The following SEMA6A variants were observed in gnomAD, a reference collection of about 807,000 sequenced individuals.
SEMA6A encodes the protein semaphorin-6A.
In SEMA6A, 25 loss-of-function variants were observed where a neutral mutation model predicts 96.8. The observed-to-expected ratio is 0.26, with a 90% CI of 0.19 to 0.36. The LOEUF (loss-of-function observed/expected upper bound fraction) is 0.36. Among genes scored for constraint, SEMA6A ranks in the 10% least tolerant of loss-of-function variants. The pLI is 1.00. For synonymous variants in SEMA6A, 612 were observed against 518.0 expected, an observed-to-expected ratio of 1.18 and a Z score of -2.46; for missense variants, 1,363 against 1,323.1, an observed-to-expected ratio of 1.03 and a Z score of -0.47.
chr5:116,541,251 A>T (rs935979815), intron 1 of SEMA6A, among the ~76,000 whole-genome samples: 3 of 152,204 alleles, frequency 2.0e-5, no homozygotes, highest in African/African-American at 7.2e-5. Flanking sequence ...AGTATGGCAG[A>T]TTCAAATTAA....
intron 1 of SEMA6A, chr5:116,562,707 A>G: frequency 4.1e-6 from 3 of 730,814 alleles, no homozygotes; most frequent in South Asian, 4.0e-5. Context: ...CTTTCTGGCA[A>G]AGAAACCCTC....
intron 18 of SEMA6A, among the ~76,000 whole-genome samples, chr5:116,448,302 G>T (rs754642123): frequency 4.6e-5 from 7 of 151,926 alleles, no homozygotes; most frequent in Non-Finnish European, 7.4e-5. Flanking sequence ...GGGAGATCAG[G>T]CCACTGTACT....
chr5:116,473,032 T>C (rs1756243819), intron 17 of SEMA6A, 41 bp downstream of exon 17: 1 of 1,572,680 alleles, frequency 6.4e-7, no homozygotes, highest in Non-Finnish European at 8.6e-7. Context: ...CTCAGATAGG[T>C]TTCCACCAGT....
intron 1 of SEMA6A, among the ~76,000 whole-genome samples, chr5:116,522,674 A>AT (rs1256151591): frequency 6.6e-6 from 1 of 152,102 alleles, no homozygotes; most frequent in Non-Finnish European, 1.5e-5. Flanking sequence ...TAACCTTCAT[A>AT]TTTTTTATTT....
At position 116,475,546 on chromosome 5, in the gene SEMA6A, G is replaced by T. The variant is rs1463778745; in HGVS notation, c.1707C>A (p.His569Gln). Residue 569 changes from histidine (H) to glutamine (Q), a missense_variant and splice_region_variant, in exon 16 of 19, where the codon CAC (histidine) becomes CAA (glutamine). His to Gln is a conservative substitution (Grantham distance 24). Transcript: ENST00000343348. ...AAATGGATAAAAGACTGTACTTACT[G>T]TGACAGTCCCCCAGACCATCTGTAT... ...RGNTDGLGDC[H>Q]NSFVALNGHS... 1 of 1,596,944 alleles carries T rather than the reference G, an allele frequency of 6.3e-7. No individual in the cohort carries two copies. Among genetic ancestry groups the T allele is most frequent in the South Asian group, 1.1e-5 (1 of 87,692 alleles).
At chr5:116,511,678 A>G (rs1758412590) in intron 1 of SEMA6A, among the ~76,000 whole-genome samples, 1 of 152,234 alleles carries the variant, frequency 6.6e-6, no homozygotes, top group Non-Finnish European at 1.5e-5. Flanking sequence ...GTAGGCATGC[A>G]AAGCCTCATT....
chr5:116,524,478 A>G (rs1045171199), intron 1 of SEMA6A, among the ~76,000 whole-genome samples: 3 of 152,136 alleles, frequency 2.0e-5, no homozygotes, highest in Admixed American at 6.5e-5. Flanking sequence ...CTCTGACCAT[A>G]TCCAGTTCAT....
chr5:116,484,663 CA>C (rs1756959156), intron 10 of SEMA6A, among the ~76,000 whole-genome samples: 1 of 151,990 alleles, frequency 6.6e-6, no homozygotes, highest in South Asian at 2.1e-4. Flanking sequence ...AAAATCATAA[CA>C]ACAACATCTT....
rs545404572 is a variant in SEMA6A at position 116,457,845 on chromosome 5, C to A, written c.1894+9738G>T. Among the ~76,000 whole-genome samples, 25 of 152,280 alleles carry A rather than the reference C, an allele frequency of 1.6e-4. 1 individual carries two copies. The highest frequency in any genetic ancestry group is 3.4e-3 in the Middle Eastern group (1 of 294). ...ACACTTTGCAAGAGTTTATCTATTACTTGCATAACCTGTATCTCCCTGGAA... is the reference window on the plus strand; with the variant it reads ...ACACTTTGCAAGAGTTTATCTATTAATTGCATAACCTGTATCTCCCTGGAA... On this transcript the variant is annotated intron_variant, in intron 18 of 18. Transcript: ENST00000343348.
Position 116,447,281 on chromosome 5 carries a change from G to T in SEMA6A, c.2425C>A (p.Pro809Thr). 1 of 1,613,874 alleles carries T rather than the reference G, an allele frequency of 6.2e-7. No individual in the cohort carries two copies. Among genetic ancestry groups the T allele is most frequent in the Non-Finnish European group, 8.5e-7 (1 of 1,179,908 alleles). Residue 809 changes from proline to threonine, a missense_variant, in exon 19 of 19, where the codon CCC becomes ACC. Coordinates refer to ENST00000343348, the MANE Select transcript of SEMA6A (RefSeq NM_020796.5). ...ACCACCACGCTGGGGATGTGGCTGG[G>T]GGAGGCCCGCAGGGGCAGGTCCGTG... ...IPTDLPLRAS[P>T]SHIPSVVVLP...
intron 1 of SEMA6A, among the ~76,000 whole-genome samples, chr5:116,555,128 G>A (rs968321549): frequency 3.1e-4 from 47 of 152,092 alleles, no homozygotes; most frequent in African/African-American, 1.0e-3. Context: ...CAGTCTCCAA[G>A]CTTTTGTTAG....
chr5:116,480,396 G>C, intron 11 of SEMA6A, 119 bp from the exon 12 acceptor site: 1 of 1,228,270 alleles, frequency 8.1e-7, no homozygotes, highest in South Asian at 1.4e-5. Context: ...CAGCCTGAGA[G>C]GAGGAAGTTG....
chr5:116,489,734 G>T (rs915962536), intron 7 of SEMA6A, among the ~76,000 whole-genome samples: 4 of 152,188 alleles, frequency 2.6e-5, no homozygotes, highest in African/African-American at 9.7e-5. Context: ...TTCATGCTTT[G>T]GGGGAGATAC....
intron 1 of SEMA6A, among the ~76,000 whole-genome samples, chr5:116,510,111 G>T (rs1165268533): frequency 6.6e-6 from 1 of 152,066 alleles, no homozygotes; most frequent in African/African-American, 2.4e-5. Flanking sequence ...GTGGTGAAAA[G>T]TTCATCAAGC....
chr5:116,467,459 T>G, intron 18 of SEMA6A, 124 bp downstream of exon 18: 1 of 931,890 alleles, frequency 1.1e-6, no homozygotes, highest in Non-Finnish European at 1.6e-6. Flanking sequence ...TTCGAGAAAC[T>G]TTCAATCATA....
Position 116,447,263 on chromosome 5 carries a change from C to G in SEMA6A, c.2443G>C (p.Val815Leu). Residue 815 changes from valine (V) to leucine (L), a missense_variant, in exon 19 of 19, where the codon GTG (valine) becomes CTG (leucine). By Grantham distance (32) the Val-to-Leu change is conservative. Transcript: ENST00000343348. ...TGCTGCGTGATGGGCAGGACCACCA[C>G]GCTGGGGATGTGGCTGGGGGAGGCC... is the stretch of plus-strand genomic sequence containing the variant. ...LRASPSHIPS[V>L]VVLPITQQGY... is the part of the protein sequence containing the mutation. 6.2e-7 allele frequency: 1 copy of G among 1,613,954 alleles called. No homozygotes were observed. The highest frequency in any genetic ancestry group is 2.2e-5 in the East Asian group (1 of 44,876).
At chr5:116,454,794 G>GTT (rs1342581579) in intron 18 of SEMA6A, among the ~76,000 whole-genome samples, 1 of 47,428 alleles carries the variant, frequency 2.1e-5, no homozygotes, top group Non-Finnish European at 3.7e-5. Context: ...CTTTAAGTGT[G>GTT]TGTGTGTGTG....
chr5:116,508,109 A>G (rs1310164091), intron 1 of SEMA6A: 6 of 152,202 alleles, frequency 3.9e-5, no homozygotes, highest in Non-Finnish European at 7.3e-5. Flanking sequence ...ATTGGTTGCC[A>G]TGAGCCAAAT....
In SEMA6A at chr5:116,444,808, C is replaced by T. The variant is rs988492321; in HGVS notation, c.*1805G>A. The T allele has an allele frequency of 6.6e-6, 1 of 152,360 alleles. No homozygotes were observed. The highest frequency in any genetic ancestry group is 1.5e-5 in the Non-Finnish European group (1 of 68,066). The allele number at this position is 152,360 out of a possible 1,614,324, so 9.4% of individuals were successfully genotyped here. ...TTTCCATGTCATTTCTTTGTGTGCA[C>T]TGCACGTGTGTGCTGTGCACATGGC... On this transcript the variant is annotated 3_prime_UTR_variant, in exon 19 of 19. Coordinates refer to ENST00000343348, the MANE Select transcript of SEMA6A (RefSeq NM_020796.5).
Sources: gnomAD v4.1 joint callset for allele counts (sites outside exome capture counted in the v4.1 genomes callset) on GRCh38, gnomAD v4.1.1 for gene constraint, MANE v1.5 for transcripts, NCBI Gene and HGNC (gene_info 2026-07-23, HGNC 2026-07-21) for gene names.